TAOK1: variants seen among roughly 807,000 people sequenced by gnomAD.
TAOK1 encodes the protein serine/threonine-protein kinase TAO1.
Under a neutral mutation model 138.3 loss-of-function variants are expected in TAOK1, and 21 were observed. The observed-to-expected ratio is 0.15, with a 90% confidence interval of 0.11 to 0.22. The LOEUF (loss-of-function observed/expected upper bound fraction) is 0.22, where lower values mean the gene tolerates loss of function less well. Among genes scored for constraint, TAOK1 ranks in the 10% least tolerant of loss-of-function variants. The pLI is 1.00. For missense variants in TAOK1, 651 were observed against 1,227.7 expected (o/e 0.53, Z 7.02); for synonymous variants, 361 against 398.4 (o/e 0.91, Z 1.12).
intron 1 of TAOK1, among the ~76,000 whole-genome samples, chr17:29,406,795 C>T (rs1046555034): frequency 3.9e-5 from 6 of 152,078 alleles, no homozygotes; most frequent in East Asian, 1.9e-4. Context: ...CTTGAACTCC[C>T]GGGCTAAAGT....
At chr17:29,418,201 C>T (rs6505127) in intron 1 of TAOK1, among the ~76,000 whole-genome samples, 147,782 of 152,130 alleles carry the variant, frequency 0.97, 71,814 homozygotes, top group East Asian at 1. Flanking sequence ...CGTTTTGTTT[C>T]GAGACAGGAT....
At chr17:29,452,217 AAAATAAATAAAT>A (rs947602615) in intron 2 of TAOK1, among the ~76,000 whole-genome samples, 1 of 152,138 alleles carries the variant, frequency 6.6e-6, no homozygotes, top group South Asian at 2.1e-4. Flanking sequence ...CCTGTCACAA[AAAATAAATAAAT>A]AAATAAATAA....
intron 19 of TAOK1, among the ~76,000 whole-genome samples, chr17:29,536,602 AAAAT>A (rs1016241510): frequency 1.1e-4 from 17 of 151,424 alleles, no homozygotes; most frequent in Admixed American, 4.0e-4. Flanking sequence ...TCCATCTCAA[AAAAT>A]AAATAAATAA....
intron 17 of TAOK1, among the ~76,000 whole-genome samples, chr17:29,528,839 C>CAAAAAAA (rs58073512): frequency 1.0e-4 from 7 of 69,436 alleles, no homozygotes; most frequent in Non-Finnish European, 1.3e-4. Context: ...GACTCCGTCT[C>CAAAAAAA]AAAAAAAAAA....
chr17:29,419,941 A>G (rs915837549), intron 1 of TAOK1, among the ~76,000 whole-genome samples: 23 of 151,988 alleles, frequency 1.5e-4, no homozygotes, highest in African/African-American at 5.6e-4. Context: ...GTGCAGTGAC[A>G]GAATCTTGGT....
chr17:29,397,627 T>TGTATACATGTACATTCATGTATG (rs1204278700), intron 1 of TAOK1, among the ~76,000 whole-genome samples: 1 of 44,746 alleles, frequency 2.2e-5, no homozygotes. Flanking sequence ...TATATATATA[T>TGTATACATGTACATTCATGTATG]ATACATGTAT....
At chr17:29,462,311 T>A (rs2030549715) in intron 2 of TAOK1, among the ~76,000 whole-genome samples, 1 of 152,128 alleles carries the variant, frequency 6.6e-6, no homozygotes. Context: ...TCCAAAAGGA[T>A]CACTGTCTCT....
chr17:29,451,671 A>G lies in TAOK1; in HGVS notation c.123A>G (p.Ala41=). ...AAATTGGCCATGGAAGCTTTGGAGCAGTGTATTTTGTAAGTGTTAGTGGCT... is the reference window on the plus strand; with the variant it reads ...AAATTGGCCATGGAAGCTTTGGAGCGGTGTATTTTGTAAGTGTTAGTGGCT... ...LREIGHGSFG[A]VYFARDVRTN... Residue 41 remains alanine, a synonymous_variant, in exon 2 of 20, where the codon GCA becomes GCG. Transcript: ENST00000261716. The G allele has an allele frequency of 6.2e-7, 1 of 1,613,154 alleles. No homozygotes were observed. The highest frequency in any genetic ancestry group is 1.1e-5 in the South Asian group (1 of 90,940).
At chr17:29,539,588 C>G (rs1415831126) in intron 19 of TAOK1, among the ~76,000 whole-genome samples, 1 of 152,132 alleles carries the variant, frequency 6.6e-6, no homozygotes, top group Non-Finnish European at 1.5e-5. Flanking sequence ...AGGCATGTGC[C>G]ACCATGCCCG....
chr17:29,432,121 T>A (rs1905858331), intron 1 of TAOK1, among the ~76,000 whole-genome samples: 1 of 152,196 alleles, frequency 6.6e-6, no homozygotes, highest in African/African-American at 2.4e-5. Context: ...ATCAGGGGGC[T>A]GACAGCCTTC....
At chr17:29,399,390 G>A (rs886259325) in intron 1 of TAOK1, among the ~76,000 whole-genome samples, 2 of 151,630 alleles carry the variant, frequency 1.3e-5, no homozygotes, top group African/African-American at 4.8e-5. Flanking sequence ...ATCTCGGCTC[G>A]CTGCAACCTC....
chr17:29,507,831 C>A, intron 13 of TAOK1, 65 bp from the exon 14 acceptor site: 1 of 1,456,760 alleles, frequency 6.9e-7, no homozygotes, highest in South Asian at 1.3e-5. Flanking sequence ...ATAGAATTGT[C>A]TAAAATGCTT....
At chr17:29,510,796 A>G in intron 14 of TAOK1, 68 bp from the exon 15 acceptor site, 3 of 1,102,368 alleles carry the variant, frequency 2.7e-6, no homozygotes, top group Non-Finnish European at 2.5e-6. Context: ...GGTATTCTTA[A>G]TGATGTATAT....
intron 3 of TAOK1, among the ~76,000 whole-genome samples, 196 bp from the exon 4 acceptor site, chr17:29,475,474 A>G (rs759842840): frequency 1.5e-4 from 23 of 152,152 alleles, no homozygotes; most frequent in Non-Finnish European, 2.8e-4. Context: ...CACAAGATGG[A>G]GGTTGCAGTT....
chr17:29,498,272 G>GAT, intron 11 of TAOK1, 46 bp from the exon 12 acceptor site: 1 of 1,594,130 alleles, frequency 6.3e-7, no homozygotes, highest in Non-Finnish European at 8.6e-7. Context: ...AGAAGAGAGA[G>GAT]ATATATATTA....
At chr17:29,522,188 AC>A in intron 16 of TAOK1, 91 bp from the exon 17 acceptor site, 1 of 1,476,244 alleles carries the variant, frequency 6.8e-7, no homozygotes, top group Non-Finnish European at 9.2e-7. Context: ...AGGGTTAATT[AC>A]ATCTGTTTAC....
chr17:29,412,522 C>A (rs887538854), intron 1 of TAOK1, among the ~76,000 whole-genome samples: 2 of 152,050 alleles, frequency 1.3e-5, no homozygotes, highest in African/African-American at 2.4e-5. Flanking sequence ...CTTTTTGGCT[C>A]ATTTATCAGT....
chr17:29,495,780 C>T, intron 11 of TAOK1, 53 bp downstream of exon 11: 2 of 1,394,120 alleles, frequency 1.4e-6, no homozygotes, highest in Non-Finnish European at 1.9e-6. Flanking sequence ...TGGTTTCTTT[C>T]CTTATGCAGC....
rs66788063 is a variant in TAOK1 at position 29,530,962 on chromosome 17, A to ATTTTTTTTTTTTTTTTTT, written c.2361+360_2361+361insTTTTTTTTTTTTTTTTTT. Among the ~76,000 whole-genome samples, 660 of 96,132 alleles carry ATTTTTTTTTTTTTTTTTT rather than the reference A, an allele frequency of 6.9e-3. 107 individuals carry two copies. Among genetic ancestry groups the ATTTTTTTTTTTTTTTTTT allele is most frequent in the African/African-American group, 0.024 (550 of 22,918 alleles). The allele number at this position is 96,132 out of a possible 152,430, so 63.1% of individuals were successfully genotyped here. ...TGGTTGTGTTTGAGTACAAGTACAA[A>ATTTTTTTTTTTTTTTTTT]TTTTTTTTTTTTTTTTTGAGACGGA... On this transcript the variant is annotated intron_variant, in intron 18 of 19. Transcript: ENST00000261716.
Sources: allele counts gnomAD v4.1 joint callset (sites outside exome capture counted in the v4.1 genomes callset), GRCh38; gene constraint gnomAD v4.1.1; transcripts MANE v1.5; gene names NCBI Gene and HGNC (gene_info 2026-07-23, HGNC 2026-07-21).